The following PRMT8 variants were observed in gnomAD, a reference collection of about 807,000 sequenced individuals.
PRMT8 encodes the protein protein arginine N-methyltransferase 8.
Under a neutral mutation model 47.1 loss-of-function variants are expected in PRMT8, and 7 were observed. The ratio of observed to expected loss-of-function variants is 0.15; its 90% confidence interval spans 0.08 to 0.28. The LOEUF (loss-of-function observed/expected upper bound fraction) is 0.28, where lower values mean the gene tolerates loss of function less well. Ranked by LOEUF, PRMT8 falls within the 10% of genes least tolerant of loss-of-function variation. The pLI is 1.00. For missense variants in PRMT8, 237 were observed against 505.4 expected (o/e 0.47, Z 5.09); for synonymous variants, 188 against 186.5 (o/e 1.01, Z -0.07).
chr12:3,586,390 A>T (rs571816883), intron 8 of PRMT8, among the ~76,000 whole-genome samples: 1 of 152,186 alleles, frequency 6.6e-6, no homozygotes, highest in Admixed American at 6.5e-5. Context: ...TGGCTCAAAG[A>T]CCAAGGATCT....
intron 4 of PRMT8, among the ~76,000 whole-genome samples, chr12:3,554,473 C>T (rs759889128): frequency 6.6e-5 from 10 of 152,186 alleles, no homozygotes; most frequent in Admixed American, 2.6e-4. Context: ...CCTACTGCGC[C>T]GGGGCTGCAG....
chr12:3,405,672 G>A (rs1864366159), intron 1 of PRMT8, among the ~76,000 whole-genome samples: 1 of 152,232 alleles, frequency 6.6e-6, no homozygotes, highest in African/African-American at 2.4e-5. Context: ...CAGTAGGGCA[G>A]TCATGAAGCC....
chr12:3,543,059 G>A (rs184424320), intron 2 of PRMT8, among the ~76,000 whole-genome samples: 2 of 152,314 alleles, frequency 1.3e-5, no homozygotes, highest in Admixed American at 1.3e-4. Context: ...ACATAGTGCG[G>A]GCTGAGCAGG....
chr12:3,409,530 ACT>A lies in PRMT8; in HGVS notation c.48+28091_48+28092del, dbSNP rs1173696193. Among the ~76,000 whole-genome samples the A allele has an allele frequency of 6.6e-6, 1 of 151,690 alleles. No homozygotes were observed. Among genetic ancestry groups the A allele is most frequent in the African/African-American group, 2.4e-5 (1 of 41,274 alleles). ...GGAAGCATGGAGCAGCACAGCAATG[ACT>A]CTATTCATCGAGGAGGTGGGGTGCT... On this transcript the variant is annotated intron_variant, in intron 1 of 9. Coordinates refer to the PRMT8 transcript ENST00000452611. This position sits in a 1 kb window ranked among gnomAD's most constrained non-coding sequence, Gnocchi z 4.4.
chr12:3,545,851 T>A (rs1866319376), intron 2 of PRMT8, among the ~76,000 whole-genome samples: 1 of 152,154 alleles, frequency 6.6e-6, no homozygotes, highest in African/African-American at 2.4e-5. Context: ...AATAATACAA[T>A]CAAACAACAT....
At position 3,527,115 on chromosome 12, in the gene PRMT8, A is replaced by G. The variant is rs570838269; in HGVS notation, c.76-13491A>G. ...AATCTATAACTTTTTGTACTTTTAC[A>G]AAGTGGCCACATTAGGGTTTATGGT... On this transcript the variant is annotated intron_variant, in intron 1 of 9. Transcript: ENST00000382622. Among the ~76,000 whole-genome samples the G allele has an allele frequency of 3.3e-5, 5 of 152,280 alleles. No homozygotes were observed. The South Asian group carries it at 8.3e-4, about 25-fold the overall frequency.
At chr12:3,517,508 T>A (rs1049965036) in intron 1 of PRMT8, among the ~76,000 whole-genome samples, 12 of 152,218 alleles carry the variant, frequency 7.9e-5, no homozygotes, top group Non-Finnish European at 1.5e-4. Context: ...GGCAAGCTCA[T>A]GCATGAGCTA....
chr12:3,538,028 A>C lies in PRMT8; in HGVS notation c.76-2578A>C, dbSNP rs144083310. The stretch of plus-strand genomic sequence containing the variant: ...TTAATTACGACCTCTTAGCCTGGCC[A>C]TAATTTCCTTTCAACTGAATCTCTC... On this transcript the variant is annotated intron_variant, in intron 1 of 9. Transcript: ENST00000382622. The surrounding 1 kb of genome is among the most constrained non-coding windows in gnomAD (Gnocchi z 4.6). Among the ~76,000 whole-genome samples, 1 of 152,258 alleles carries C rather than the reference A, an allele frequency of 6.6e-6. No homozygotes were observed. Among genetic ancestry groups the C allele is most frequent in the African/African-American group, 2.4e-5 (1 of 41,538 alleles).
At chr12:3,411,113 T>C (rs1864424729) in intron 1 of PRMT8, among the ~76,000 whole-genome samples, 1 of 152,196 alleles carries the variant, frequency 6.6e-6, no homozygotes, top group Admixed American at 6.5e-5. Context: ...GCATAGCTCT[T>C]TGGGGTCCCA....
At chr12:3,486,837 G>T (rs534367218), upstream of PRMT8, among the ~76,000 whole-genome samples, 2 of 152,162 alleles carry the variant, frequency 1.3e-5, no homozygotes, top group South Asian at 4.2e-4. Flanking sequence ...GCACAAAACC[G>T]CAGTGAATTG....
chr12:3,533,000 C>T (rs1008086192), intron 1 of PRMT8, among the ~76,000 whole-genome samples: 8 of 152,068 alleles, frequency 5.3e-5, no homozygotes, highest in African/African-American at 1.9e-4. Flanking sequence ...GCAGCAGGAG[C>T]TAAGAGAAGG....
intron 1 of PRMT8, among the ~76,000 whole-genome samples, chr12:3,449,014 T>C (rs1241577417): frequency 6.6e-6 from 1 of 152,226 alleles, no homozygotes; most frequent in Non-Finnish European, 1.5e-5. Flanking sequence ...TGCATTAGTT[T>C]GCTGAGGATA....
chr12:3,498,974 C>T (rs79703750), intron 1 of PRMT8, among the ~76,000 whole-genome samples: 5 of 152,024 alleles, frequency 3.3e-5, no homozygotes, highest in Non-Finnish European at 7.4e-5. Flanking sequence ...TGGTGGCCAA[C>T]GATGCTCAGC....
chr12:3,509,862 A>G (rs1339637526), intron 1 of PRMT8, among the ~76,000 whole-genome samples: 3 of 152,224 alleles, frequency 2.0e-5, no homozygotes, highest in African/African-American at 7.2e-5. Context: ...GAGGTTTTTA[A>G]TCAATGCAAA....
chr12:3,411,045 G>A (rs926897202), intron 1 of PRMT8, among the ~76,000 whole-genome samples: 12 of 152,268 alleles, frequency 7.9e-5, no homozygotes, highest in East Asian at 5.8e-4. Context: ...GCCAGGAATC[G>A]GCATGCTTTG....
intron 1 of PRMT8, among the ~76,000 whole-genome samples, chr12:3,407,866 C>T (rs543983376): frequency 4.0e-5 from 6 of 151,614 alleles, no homozygotes; most frequent in South Asian, 4.2e-4. Flanking sequence ...TCTTCAAGTT[C>T]GCAAATTCTT....
intron 1 of PRMT8, among the ~76,000 whole-genome samples, chr12:3,523,291 G>A (rs928369799): frequency 2.0e-5 from 3 of 152,054 alleles, no homozygotes; most frequent in Admixed American, 1.3e-4. Flanking sequence ...AGGGCCCTAC[G>A]CCACCTAACT....
intron 1 of PRMT8, among the ~76,000 whole-genome samples, chr12:3,442,825 AT>A (rs1700282094): frequency 6.6e-6 from 1 of 151,766 alleles, no homozygotes; most frequent in Non-Finnish European, 1.5e-5. Flanking sequence ...CACCTGGCTA[AT>A]TTTTGTATTT....
intron 2 of PRMT8, among the ~76,000 whole-genome samples, chr12:3,541,449 T>C (rs1197300998): frequency 6.6e-6 from 1 of 152,192 alleles, no homozygotes; most frequent in Non-Finnish European, 1.5e-5. Context: ...TCCAGCACTC[T>C]CTCCAGCCAC....
Sources: gnomAD v4.1 joint callset for allele counts (sites outside exome capture counted in the v4.1 genomes callset) on GRCh38, gnomAD v4.1.1 for gene constraint, Gnocchi (gnomAD v3.1) non-coding constraint, MANE v1.5 for transcripts, NCBI Gene and HGNC (gene_info 2026-07-23, HGNC 2026-07-21) for gene names.